The following SGCZ variants were observed in gnomAD, a reference collection of about 807,000 sequenced individuals.
The protein encoded by SGCZ is zeta-sarcoglycan.
A neutral mutation model predicts 41.3 loss-of-function variants in SGCZ; 40 were observed. That is an observed-to-expected ratio of 0.97 (90% CI 0.75 to 1.26). SGCZ has a LOEUF of 1.26. Among genes scored for constraint, SGCZ ranks in the 50% most tolerant of loss-of-function variants. The pLI, the probability that SGCZ is intolerant of heterozygous loss-of-function variation, is 0.00. For missense variants in SGCZ, 552 were observed against 369.8 expected, an observed-to-expected ratio of 1.49 and a Z score of -4.04; for synonymous variants, 206 against 137.5, an observed-to-expected ratio of 1.50 and a Z score of -3.49.
At chr8:14,175,108 A>G (rs1269478665) in intron 4 of SGCZ, among the ~76,000 whole-genome samples, 1 of 152,162 alleles carries the variant, frequency 6.6e-6, no homozygotes, top group African/African-American at 2.4e-5. Context: ...TGAGGGGCAT[A>G]TCATTCAACC....
intron 1 of SGCZ, among the ~76,000 whole-genome samples, chr8:14,806,659 G>T (rs1474862093): frequency 6.6e-6 from 1 of 151,964 alleles, no homozygotes; most frequent in African/African-American, 2.4e-5. Context: ...GGTACAAGGA[G>T]GAACTGGTAC....
chr8:14,905,695 C>T lies in SGCZ; in HGVS notation c.39+331890G>A, dbSNP rs572692987. Among the ~76,000 whole-genome samples the T allele has an allele frequency of 4.0e-5, 6 of 151,586 alleles. No homozygotes were observed. In the East Asian group the frequency reaches 5.8e-4, roughly 15 times the overall value. On this transcript the variant is annotated intron_variant, in intron 1 of 7. Coordinates refer to ENST00000382080, the MANE Select transcript of SGCZ (RefSeq NM_139167.4). ...ACCTCCGAATCCATGTAGAGGAATACGTAAGTGAAGATATACATAGGTAAA... is the reference window on the plus strand; with the variant it reads ...ACCTCCGAATCCATGTAGAGGAATATGTAAGTGAAGATATACATAGGTAAA...
chr8:15,018,692 C>T (rs1247401453), intron 1 of SGCZ, among the ~76,000 whole-genome samples: 1 of 152,172 alleles, frequency 6.6e-6, no homozygotes, highest in African/African-American at 2.4e-5. Context: ...GTGACTGAGT[C>T]AGCCTACAAA....
chr8:14,341,762 G>A (rs185806396), intron 2 of SGCZ, among the ~76,000 whole-genome samples: 10 of 152,186 alleles, frequency 6.6e-5, no homozygotes, highest in East Asian at 1.9e-4. Context: ...GGGTTTAATC[G>A]GGGGTTTTCA....
At chr8:14,176,271 A>G (rs1804539113) in intron 4 of SGCZ, among the ~76,000 whole-genome samples, 1 of 152,240 alleles carries the variant, frequency 6.6e-6, no homozygotes, top group Non-Finnish European at 1.5e-5. Flanking sequence ...TAATTCTGGC[A>G]TAATGCAAAT....
chr8:14,197,422 T>C (rs914272291), intron 4 of SGCZ, among the ~76,000 whole-genome samples: 6 of 151,968 alleles, frequency 3.9e-5, no homozygotes, highest in African/African-American at 1.4e-4. Flanking sequence ...ACAAATCAAA[T>C]AAAGCAATAT....
At chr8:14,514,429 T>G (rs1802552327) in intron 2 of SGCZ, among the ~76,000 whole-genome samples, 1 of 151,950 alleles carries the variant, frequency 6.6e-6, no homozygotes, top group Non-Finnish European at 1.5e-5. Flanking sequence ...TCTTATAACT[T>G]AGAGAATTAG....
At chr8:14,853,549 T>A in intron 1 of SGCZ, 1 of 521,626 alleles carries the variant, frequency 1.9e-6, no homozygotes, top group Non-Finnish European at 4.0e-6. Context: ...TGATAAATTA[T>A]GCAAACATAA....
At chr8:14,268,700 T>C (rs1331185323) in intron 3 of SGCZ, among the ~76,000 whole-genome samples, 1 of 151,840 alleles carries the variant, frequency 6.6e-6, no homozygotes, top group Non-Finnish European at 1.5e-5. Flanking sequence ...TATTAGAACA[T>C]GAGAAAATTA....
chr8:14,826,675 T>G lies in SGCZ; in HGVS notation c.40-271749A>C, dbSNP rs371541101. ...ATTGTGGTTTTGATTTGCATTTCTCTGATAGCCAGTGATGATGAGCATTTT... is the reference window on the plus strand; with the variant it reads ...ATTGTGGTTTTGATTTGCATTTCTCGGATAGCCAGTGATGATGAGCATTTT... On this transcript the variant is annotated intron_variant, in intron 1 of 7. Coordinates refer to ENST00000382080, the MANE Select transcript of SGCZ (RefSeq NM_139167.4). Among the ~76,000 whole-genome samples the G allele has an allele frequency of 8.5e-5, 13 of 152,294 alleles. No homozygotes were observed. The East Asian group carries it at 2.3e-3, about 27-fold the overall frequency.
chr8:14,634,013 C>A (rs1806745924), intron 1 of SGCZ, among the ~76,000 whole-genome samples: 1 of 151,834 alleles, frequency 6.6e-6, no homozygotes, highest in Non-Finnish European at 1.5e-5. Flanking sequence ...GATTCTAATA[C>A]ATTTTCCAGA....
Position 15,192,649 on chromosome 8 carries a change from C to G in SGCZ, c.39+44936G>C, listed in dbSNP as rs1188453443. Among the ~76,000 whole-genome samples the G allele has an allele frequency of 2.0e-5, 3 of 152,188 alleles. No individual in the cohort carries two copies. In the East Asian group the frequency reaches 5.8e-4, roughly 29 times the overall value. ...TCAATGCCAAACTCATCAACAGATC[C>G]CATATGCCATGCATAAAACAAACCA... On this transcript the variant is annotated intron_variant, in intron 1 of 7. Transcript: ENST00000382080.
intron 1 of SGCZ, among the ~76,000 whole-genome samples, chr8:14,819,786 G>C (rs772531335): frequency 6.6e-6 from 1 of 151,990 alleles, no homozygotes; most frequent in Non-Finnish European, 1.5e-5. Context: ...AAGTTGCTAT[G>C]AACCTAAAAT....
intron 1 of SGCZ, among the ~76,000 whole-genome samples, chr8:14,849,482 A>C (rs775852225): frequency 7.9e-5 from 12 of 152,218 alleles, no homozygotes; most frequent in Non-Finnish European, 1.3e-4. Flanking sequence ...ACAGAATCAG[A>C]ATAAACTATT....
At chr8:14,768,177 A>G (rs1294495671) in intron 1 of SGCZ, among the ~76,000 whole-genome samples, 1 of 152,220 alleles carries the variant, frequency 6.6e-6, no homozygotes, top group Admixed American at 6.5e-5. Flanking sequence ...ACAAGCATTC[A>G]TGGTATCTGT....
intron 1 of SGCZ, among the ~76,000 whole-genome samples, chr8:15,220,387 G>A (rs73537905): frequency 0.035 from 5,309 of 152,068 alleles, 296 homozygotes; most frequent in African/African-American, 0.12. Context: ...CACAACAATG[G>A]CTCACTGGAA....
At chr8:14,250,931 T>C (rs965166317) in intron 3 of SGCZ, among the ~76,000 whole-genome samples, 1 of 152,172 alleles carries the variant, frequency 6.6e-6, no homozygotes, top group African/African-American at 2.4e-5. Flanking sequence ...ATGTGTATGT[T>C]AAATGACATA....
In SGCZ at chr8:14,142,359, AT is replaced by A. The variant is rs1803398291; in HGVS notation, c.547+22220del. On this transcript the variant is annotated intron_variant, in intron 5 of 7. Transcript: ENST00000382080. ...GAAATATGAAAACACATACACACAA[AT>A]TTTTTTTCTAAGAACAAAATTCTAA... 3.3e-5 allele frequency among the ~76,000 whole-genome samples: 5 copies of A among 152,102 alleles called. No individual in the cohort carries two copies. The South Asian group carries it at 1.0e-3, about 32-fold the overall frequency.
At chr8:14,747,628 T>C (rs1169555214) in intron 1 of SGCZ, among the ~76,000 whole-genome samples, 1 of 151,160 alleles carries the variant, frequency 6.6e-6, no homozygotes, top group Non-Finnish European at 1.5e-5. Flanking sequence ...TATTCTGCAA[T>C]GTTGTACCTG....
Sources: gnomAD v4.1 joint callset for allele counts (sites outside exome capture counted in the v4.1 genomes callset) on GRCh38, gnomAD v4.1.1 for gene constraint, MANE v1.5 for transcripts, NCBI Gene and HGNC (gene_info 2026-07-23, HGNC 2026-07-21) for gene names.